USP9Y: variants seen among roughly 807,000 people sequenced by gnomAD.
The protein encoded by USP9Y is ubiquitin carboxyl-terminal hydrolase 9Y.
A neutral mutation model predicts 53.1 loss-of-function variants in USP9Y; 41 were observed. The ratio of observed to expected loss-of-function variants is 0.77; its 90% CI spans 0.60 to 1.00. The LOEUF is 1.00. Among genes scored for constraint, USP9Y ranks in the 50% least tolerant of loss-of-function variants. The probability of loss-of-function intolerance (pLI) is 0.00; values close to 1 mark genes in which losing one functional copy is unlikely to be tolerated. For missense variants in USP9Y, 567 were observed against 535.8 expected, an observed-to-expected ratio of 1.06 and a Z score of -0.58; for synonymous variants, 220 against 173.7, an observed-to-expected ratio of 1.27 and a Z score of -2.09.
intron 7 of USP9Y, among the ~76,000 whole-genome samples, chrY:12,731,510 T>C: frequency 5.9e-5 from 2 of 33,712 alleles, no homozygotes; most frequent in Non-Finnish European, 1.5e-4. Context: ...GTTATTGATA[T>C]CACAAATGAT....
At chrY:12,745,933 C>T in intron 12 of USP9Y, among the ~76,000 whole-genome samples, 1 of 33,704 alleles carries the variant, frequency 3.0e-5, no homozygotes, top group Non-Finnish European at 7.3e-5. Context: ...GTAAACATTT[C>T]AGCTTTTCGT....
At position 12,773,132 on chromosome Y, in the gene USP9Y, T is replaced by A. The variant is rs746885135; in HGVS notation, c.1989-451T>A. Among the ~76,000 whole-genome samples, 12 of 33,787 alleles carry A rather than the reference T, an allele frequency of 3.6e-4. No homozygotes were observed. In the East Asian group the frequency reaches 9.2e-3, roughly 26 times the overall value. 90.6% of individuals were successfully genotyped at this position (33,787 alleles called of 37,273 possible). ...ATAATTTTTAATTACTGGTGGATTT[T>A]TTGTTTCATATGGCTAGTTATGAGT... On this transcript the variant is annotated intron_variant, in intron 16 of 45. Coordinates refer to ENST00000338981, the MANE Select transcript of USP9Y (RefSeq NM_004654.4).
chrY:12,798,865 A>AT (rs2053516018), intron 27 of USP9Y, among the ~76,000 whole-genome samples: 41 of 21,741 alleles, frequency 1.9e-3, no homozygotes, highest in East Asian at 0.013. Flanking sequence ...CCCCACCCTA[A>AT]TTTTTTTTTT....
intron 7 of USP9Y, 121 bp downstream of exon 7, chrY:12,726,914 A>G: frequency 1.1e-5 from 2 of 188,666 alleles, no homozygotes; most frequent in Non-Finnish European, 1.9e-5. Context: ...GTCTTGTTTT[A>G]TGTGGATTTC....
chrY:12,709,544 G>T lies in USP9Y; in HGVS notation c.96+1G>T. On this transcript the variant is annotated splice_donor_variant, in intron 3 of 45. Coordinates refer to ENST00000338981, the MANE Select transcript of USP9Y (RefSeq NM_004654.4). LOFTEE classifies it high-confidence loss of function. ...TCAGCATCTCTTCCAACAGAACCAGGTAGGAGTAAGACTGTGTTGTTTTGA... is the reference window on the plus strand; with the variant it reads ...TCAGCATCTCTTCCAACAGAACCAGTTAGGAGTAAGACTGTGTTGTTTTGA... 1 of 390,127 alleles carries T rather than the reference G, an allele frequency of 2.6e-6. No homozygotes were observed. The highest frequency in any genetic ancestry group is 3.0e-5 in the South Asian group (1 of 33,186).
intron 5 of USP9Y, among the ~76,000 whole-genome samples, chrY:12,722,990 C>G: frequency 6.2e-5 from 2 of 32,278 alleles, no homozygotes; most frequent in Non-Finnish European, 1.5e-4. Flanking sequence ...CCTCAGCCCC[C>G]CAAGTAGCTG....
At chrY:12,776,314 T>G (rs2053492509) in intron 18 of USP9Y, among the ~76,000 whole-genome samples, 1 of 31,704 alleles carries the variant, frequency 3.2e-5, no homozygotes, top group Non-Finnish European at 7.7e-5. Context: ...GCTAATTTTG[T>G]ATTTTTTTAG....
At chrY:12,762,448 T>C (rs778975908) in intron 15 of USP9Y, among the ~76,000 whole-genome samples, 1 of 33,658 alleles carries the variant, frequency 3.0e-5, no homozygotes, top group Non-Finnish European at 7.4e-5. Flanking sequence ...TCTAGTTGAG[T>C]TCTTGACTGA....
Position 12,722,171 on chromosome Y carries a change from T to C in USP9Y, c.309T>C (p.Ile103=). The C allele has an allele frequency of 7.6e-6, 3 of 395,525 alleles. No homozygotes were observed. Among genetic ancestry groups the C allele is most frequent in the Non-Finnish European group, 1.1e-5 (3 of 280,868 alleles). ...GELEVLLEAA[I]DLSVKGLDVK... is the part of the protein sequence containing the mutation. ...TAGAAGTGCTTTTAGAAGCTGCTAT[T>C]GATCTTAGTGTAAAAGGTGAGTGTG... Residue 103 remains isoleucine (I), a synonymous_variant, in exon 5 of 46, where the codon ATT becomes ATC. Coordinates refer to ENST00000338981, the MANE Select transcript of USP9Y (RefSeq NM_004654.4).
chrY:12,725,065 T>C, intron 5 of USP9Y, 48 bp from the exon 6 acceptor site: 1 of 299,746 alleles, frequency 3.3e-6, no homozygotes, highest in East Asian at 9.7e-5. Context: ...TAATCATAAT[T>C]GGCCAAATAA....
At chrY:12,845,776 C>T in intron 39 of USP9Y, among the ~76,000 whole-genome samples, 1 of 32,836 alleles carries the variant, frequency 3.0e-5, no homozygotes. Flanking sequence ...CTGCAACGTC[C>T]GCCTCCTGGA....
intron 22 of USP9Y, 55 bp from the exon 23 acceptor site, chrY:12,786,148 C>T: frequency 2.7e-6 from 1 of 373,910 alleles, no homozygotes; most frequent in Admixed American, 7.9e-5. Context: ...AAATGTGAAA[C>T]ATTAATAACA....
chrY:12,816,172 G>A lies in USP9Y; in HGVS notation c.4658G>A (p.Arg1553His). 3 of 398,679 alleles carry A rather than the reference G, an allele frequency of 7.5e-6. No homozygotes were observed. Among genetic ancestry groups the A allele is most frequent in the Non-Finnish European group, 7.1e-6 (2 of 283,579 alleles). The change falls in exon 32 of 46, where the codon CGC becomes CAC. Residue 1553 changes from arginine to histidine, a missense_variant. Transcript: ENST00000338981. ...EWEYLPPVGP[R>H]PPKGFVGLKN... is the part of the protein sequence containing the mutation. ...GAATATCTGCCCCCTGTTGGACCCCGCCCACCAAAAGGATTTGTGGGACTC... is the reference window on the plus strand; with the variant it reads ...GAATATCTGCCCCCTGTTGGACCCCACCCACCAAAAGGATTTGTGGGACTC...
intron 18 of USP9Y, among the ~76,000 whole-genome samples, chrY:12,776,001 TC>T (rs2053492160): frequency 3.1e-5 from 1 of 32,089 alleles, no homozygotes; most frequent in Non-Finnish European, 7.6e-5. Context: ...ATTTTTTTTT[TC>T]ATTCTTCTTG....
intron 27 of USP9Y, among the ~76,000 whole-genome samples, chrY:12,798,270 A>C: frequency 3.0e-5 from 1 of 33,463 alleles, no homozygotes; most frequent in Non-Finnish European, 7.4e-5. Context: ...CTTGGTGATG[A>C]GAAACCAGTC....
At chrY:12,801,798 T>C (rs767455850) in intron 27 of USP9Y, among the ~76,000 whole-genome samples, 359 of 33,910 alleles carry the variant, frequency 0.011, no homozygotes, top group Non-Finnish European at 7.5e-3. Context: ...AAAGTTACAG[T>C]GCTTAAAAAT....
At chrY:12,859,239 T>A in intron 45 of USP9Y, 40 bp from the exon 46 acceptor site, 1 of 390,889 alleles carries the variant, frequency 2.6e-6, no homozygotes, top group Non-Finnish European at 3.6e-6. Flanking sequence ...TTGTTAATAT[T>A]TGAAAAGTGT....
intron 35 of USP9Y, among the ~76,000 whole-genome samples, chrY:12,838,333 A>G (rs2053557390): frequency 3.0e-5 from 1 of 33,708 alleles, no homozygotes; most frequent in African/African-American, 1.2e-4. Flanking sequence ...ATCAATTGCA[A>G]TTGAATGCTT....
intron 33 of USP9Y, among the ~76,000 whole-genome samples, chrY:12,832,527 A>T: frequency 3.0e-5 from 1 of 33,240 alleles, no homozygotes; most frequent in African/African-American, 1.2e-4. Context: ...AAAGAATCCT[A>T]CTTGTTCTGT....
Sources: gnomAD v4.1 joint callset for allele counts (sites outside exome capture counted in the v4.1 genomes callset) on GRCh38, gnomAD v4.1.1 for gene constraint, MANE v1.5 for transcripts, NCBI Gene and HGNC (gene_info 2026-07-23, HGNC 2026-07-21) for gene names.